The following TTC21B variants were observed in gnomAD, a reference collection of about 807,000 sequenced individuals.
TTC21B encodes tetratricopeptide repeat protein 21B.
In TTC21B, 127 loss-of-function variants were observed where a neutral mutation model predicts 175.1. The observed-to-expected ratio is 0.73, with a 90% confidence interval of 0.63 to 0.84. TTC21B has a LOEUF of 0.84. TTC21B is among the 40% of genes least tolerant of loss of function. The probability of loss-of-function intolerance (pLI) is 0.00; values close to 1 mark genes in which losing one functional copy is unlikely to be tolerated. For missense variants in TTC21B, 1,561 were observed against 1,558.3 expected (o/e 1.00, Z -0.03); for synonymous variants, 524 against 524.5 (o/e 1.00, Z 0.01).
chr2:165,907,804 A>C lies in TTC21B; in HGVS notation c.2462-20T>G. Reference sequence around the variant, plus strand: ...CATTTACTATGAAAGAATGGAATGTAATGCAAAAAATTATTCATCTTAAAT... The same window carrying C: ...CATTTACTATGAAAGAATGGAATGTCATGCAAAAAATTATTCATCTTAAAT... On this transcript the variant is annotated intron_variant, in intron 18 of 28. Coordinates refer to ENST00000243344, the MANE Select transcript of TTC21B (RefSeq NM_024753.5). The C allele has an allele frequency of 6.7e-7, 1 of 1,483,250 alleles. No homozygotes were observed. The highest frequency in any genetic ancestry group is 1.1e-5 in the South Asian group (1 of 88,042). 91.9% of individuals were successfully genotyped at this position (1,483,250 alleles called of 1,614,324 possible).
intron 3 of TTC21B, chr2:165,947,265 G>C (rs1257845043): frequency 1.4e-5 from 2 of 140,532 alleles, no homozygotes; most frequent in Non-Finnish European, 3.0e-5. Flanking sequence ...AATCAGCCAT[G>C]CAATGAGGAA....
intron 4 of TTC21B, 61 bp downstream of exon 4, chr2:165,945,463 G>A: frequency 3.5e-6 from 5 of 1,444,960 alleles, no homozygotes; most frequent in Non-Finnish European, 4.8e-6. Context: ...GATACTACTG[G>A]ATATATCAAT....
chr2:165,885,895 C>A (rs988297213), intron 25 of TTC21B, among the ~76,000 whole-genome samples: 3 of 152,170 alleles, frequency 2.0e-5, no homozygotes, highest in East Asian at 1.9e-4. Context: ...CTTTAGATTG[C>A]AAAGGACAAG....
At chr2:165,935,779 T>C (rs1220273524) in intron 6 of TTC21B, among the ~76,000 whole-genome samples, 1 of 152,150 alleles carries the variant, frequency 6.6e-6, no homozygotes, top group East Asian at 1.9e-4. Flanking sequence ...AAGATTTCTA[T>C]GAGGAAAATT....
At chr2:165,928,913 A>G (rs972355796) in intron 11 of TTC21B, 1 of 519,964 alleles carries the variant, frequency 1.9e-6, no homozygotes, top group African/African-American at 1.9e-5. Context: ...AGATTTTAAG[A>G]TTTTATGAAA....
intron 8 of TTC21B, among the ~76,000 whole-genome samples, chr2:165,930,644 A>AT (rs1170409422): frequency 6.6e-6 from 1 of 151,724 alleles, no homozygotes; most frequent in Non-Finnish European, 1.5e-5. Context: ...GCAAAAACAT[A>AT]TTTTTTGAAC....
At chr2:165,911,530 T>A (rs750768981) in intron 17 of TTC21B, 65 bp from the exon 18 acceptor site, 1 of 1,583,366 alleles carries the variant, frequency 6.3e-7, no homozygotes, top group Admixed American at 1.7e-5. Flanking sequence ...CAGAGCTATT[T>A]AATACATTAC....
chr2:165,899,937 G>T, intron 20 of TTC21B, 57 bp from the exon 21 acceptor site: 2 of 819,304 alleles, frequency 2.4e-6, no homozygotes, highest in South Asian at 1.4e-5. Context: ...AGTCAATGAG[G>T]AAAATACGTG....
At chr2:165,926,197 G>A (rs545816373) in intron 11 of TTC21B, among the ~76,000 whole-genome samples, 29 of 152,232 alleles carry the variant, frequency 1.9e-4, no homozygotes, top group African/African-American at 6.7e-4. Context: ...TCCTGGTAAA[G>A]GAAAATAGGA....
chr2:165,939,194 CT>C (rs1163937565), intron 6 of TTC21B, among the ~76,000 whole-genome samples: 3 of 152,112 alleles, frequency 2.0e-5, no homozygotes, highest in Non-Finnish European at 2.9e-5. Flanking sequence ...TTACATAAAT[CT>C]GAAATTCTCC....
At chr2:165,890,267 T>G (rs2105291292) in intron 24 of TTC21B, among the ~76,000 whole-genome samples, 1 of 152,332 alleles carries the variant, frequency 6.6e-6, no homozygotes, top group South Asian at 2.1e-4. Flanking sequence ...TTTCACAGAA[T>G]AGTTACATTA....
At chr2:165,880,520 AT>A (rs1684802944) in intron 27 of TTC21B, among the ~76,000 whole-genome samples, 158 bp downstream of exon 27, 1 of 152,248 alleles carries the variant, frequency 6.6e-6, no homozygotes, top group African/African-American at 2.4e-5. Flanking sequence ...AGCTAATAAT[AT>A]ATTATGAATA....
chr2:165,949,953 T>C (rs1282975761), intron 1 of TTC21B: 1 of 405,378 alleles, frequency 2.5e-6, no homozygotes, highest in African/African-American at 2.1e-5. Context: ...ATAATTTAAA[T>C]TATTTTTCCT....
intron 11 of TTC21B, chr2:165,928,637 C>T (rs1686767087): frequency 6.3e-6 from 1 of 159,366 alleles, no homozygotes; most frequent in African/African-American, 2.4e-5. Context: ...AGGAATGATC[C>T]TTGCTCTAAG....
At chr2:165,890,412 A>T in intron 24 of TTC21B, 67 bp downstream of exon 24, 1 of 1,477,678 alleles carries the variant, frequency 6.8e-7, no homozygotes, top group Non-Finnish European at 9.4e-7. Flanking sequence ...GTTCTTTTGT[A>T]TAGTATCCCT....
At chr2:165,899,927 A>G (rs1299762229) in intron 20 of TTC21B, 47 bp from the exon 21 acceptor site, 1 of 1,237,824 alleles carries the variant, frequency 8.1e-7, no homozygotes, top group South Asian at 1.2e-5. Context: ...TAGAATAAAA[A>G]GTCAATGAGG....
chr2:165,940,904 G>A (rs942254634), intron 6 of TTC21B, 123 bp downstream of exon 6: 29 of 955,076 alleles, frequency 3.0e-5, no homozygotes, highest in South Asian at 2.2e-4. Context: ...GTATTTCCTC[G>A]GTTCCACACT....
At chr2:165,948,381 G>A (rs1483279504) in intron 3 of TTC21B, 1 of 152,048 alleles carries the variant, frequency 6.6e-6, no homozygotes, top group Non-Finnish European at 1.5e-5. Context: ...GAATTCTTTT[G>A]TAGCTTGTAA....
chr2:165,913,532 T>C, intron 16 of TTC21B, 42 bp downstream of exon 16: 1 of 1,371,694 alleles, frequency 7.3e-7, no homozygotes, highest in Non-Finnish European at 1.0e-6. Context: ...TCATCACAAA[T>C]AATTTTTTAA....
Sources: allele counts gnomAD v4.1 joint callset (sites outside exome capture counted in the v4.1 genomes callset), GRCh38; gene constraint gnomAD v4.1.1; transcripts MANE v1.5; gene names NCBI Gene and HGNC (gene_info 2026-07-23, HGNC 2026-07-21).